MAP4K1: variants seen among roughly 807,000 people sequenced by gnomAD.
The protein encoded by MAP4K1 is mitogen-activated protein kinase kinase kinase kinase 1, also known as MAPK/ERK kinase kinase kinase 1.
MAP4K1 carries 35 observed loss-of-function variants against 122.8 expected under a neutral mutation model. The ratio of observed to expected loss-of-function variants is 0.29; its 90% CI spans 0.22 to 0.38. The LOEUF (loss-of-function observed/expected upper bound fraction) is 0.38, where lower values mean the gene tolerates loss of function less well. Among genes scored for constraint, MAP4K1 ranks in the 10% least tolerant of loss-of-function variants. The pLI is 1.00. For missense variants in MAP4K1, 791 were observed against 1,072.6 expected, an observed-to-expected ratio of 0.74 and a Z score of 3.67; for synonymous variants, 412 against 421.3, an observed-to-expected ratio of 0.98 and a Z score of 0.27.
In MAP4K1 at chr19:38,601,993, G is replaced by T. The variant is rs375609037; in HGVS notation, c.1447-468C>A. ...GAGTTTTGCCATGTTGCCCAGGCTGGTCTTGAACTCTTGGCCTCATGTGAT... is the reference window on the plus strand; with the variant it reads ...GAGTTTTGCCATGTTGCCCAGGCTGTTCTTGAACTCTTGGCCTCATGTGAT... On this transcript the variant is annotated intron_variant, in intron 19 of 30. Coordinates refer to ENST00000396857, the MANE Select transcript of MAP4K1 (RefSeq NM_001042600.3). 9.2e-5 allele frequency among the ~76,000 whole-genome samples: 14 copies of T among 152,144 alleles called. No homozygotes were observed. In the South Asian group the frequency reaches 2.3e-3, roughly 25 times the overall value.
rs775332728 is a variant in MAP4K1 at position 38,617,930 on chromosome 19, C to A, written c.-35G>T. ...CCTGAGCTGGGCCTGCGCCCAGGGG[C>A]CAGCAGGGCCTCAGGGCTCAACTTC... On this transcript the variant is annotated 5_prime_UTR_variant, in exon 1 of 31. Coordinates refer to ENST00000396857, the MANE Select transcript of MAP4K1 (RefSeq NM_001042600.3). This position sits in a 1 kb window ranked among gnomAD's most constrained non-coding sequence, Gnocchi z 4.1. 6.4e-7 allele frequency: 1 copy of A among 1,570,020 alleles called. No individual in the cohort carries two copies. The highest frequency in any genetic ancestry group is 2.2e-5 in the East Asian group (1 of 44,670).
intron 30 of MAP4K1, among the ~76,000 whole-genome samples, chr19:38,592,948 A>T (rs930312825): frequency 6.8e-6 from 1 of 147,250 alleles, no homozygotes; most frequent in Non-Finnish European, 1.5e-5. Context: ...AATAAATAAA[A>T]GAATTGCTGG....
chr19:38,600,100 C>A lies in MAP4K1; in HGVS notation c.1585G>T (p.Asp529Tyr). The A allele has an allele frequency of 1.2e-6, 2 of 1,614,140 alleles. No homozygotes were observed. The highest frequency in any genetic ancestry group is 2.2e-5 in the South Asian group (2 of 91,044). ...ACCATTTCCAGCGTGGCCTCCTGGTCATTCCGGTTCAGGATGAAGATGCCT... is the reference window on the plus strand; with the variant it reads ...ACCATTTCCAGCGTGGCCTCCTGGTAATTCCGGTTCAGGATGAAGATGCCT... ...EEGIFILNRN[D>Y]QEATLEMLFP... Residue 529 changes from aspartate (D) to tyrosine (Y), a missense_variant, in exon 21 of 31, where the codon GAC becomes TAC. Coordinates refer to ENST00000396857, the MANE Select transcript of MAP4K1 (RefSeq NM_001042600.3).
chr19:38,617,825 C>T lies in MAP4K1; in HGVS notation c.71G>A (p.Gly24Asp). The change falls in exon 1 of 31, where the codon GGT becomes GAT. Residue 24 changes from glycine to aspartate, a missense_variant. Around this residue, in one of 4 missense-constraint regions of MAP4K1, gnomAD observed 163 missense variants for 286.1 expected, o/e 0.57. Transcript: ENST00000396857. This position sits in a 1 kb window ranked among gnomAD's most constrained non-coding sequence, Gnocchi z 4.1. Reference protein sequence around the residue: ...RDHYDLLQRLGGGTYGEVFKA... With the variant: ...RDHYDLLQRLDGGTYGEVFKA... ...AAAGACTTCCCCATACGTGCCGCCA[C>T]CCAGCCGCTGTAGCAGGTCATAGTG... The T allele has an allele frequency of 6.2e-7, 1 of 1,614,156 alleles. No homozygotes were observed. The highest frequency in any genetic ancestry group is 8.5e-7 in the Non-Finnish European group (1 of 1,180,016).
intron 9 of MAP4K1, 80 bp from the exon 10 acceptor site, chr19:38,611,385 T>C (rs372393811): frequency 1.2e-5 from 11 of 947,678 alleles, no homozygotes; most frequent in South Asian, 3.9e-5. Context: ...CCTAGTAGCA[T>C]TGTGGTCAGC....
chr19:38,598,751 C>T (rs1974963807), intron 22 of MAP4K1, among the ~76,000 whole-genome samples: 1 of 152,172 alleles, frequency 6.6e-6, no homozygotes, highest in African/African-American at 2.4e-5. Context: ...CGGTGGCTTA[C>T]ACCTGTAATC....
rs1339023137 is a variant in MAP4K1 at position 38,617,754 on chromosome 19, G to T, written c.99+43C>A. ...CTCCCTGCCGAGGGCTTGCCTTAAA[G>T]GTCACTGGTTGTAGGGTGTTGGGGA... is the stretch of plus-strand genomic sequence containing the variant. On this transcript the variant is annotated intron_variant, in intron 1 of 30. Coordinates refer to ENST00000396857, the MANE Select transcript of MAP4K1 (RefSeq NM_001042600.3). This position sits in a 1 kb window ranked among gnomAD's most constrained non-coding sequence, Gnocchi z 4.1. 5.0e-6 allele frequency: 8 copies of T among 1,610,600 alleles called. No homozygotes were observed. Among genetic ancestry groups the T allele is most frequent in the African/African-American group, 1.3e-5 (1 of 74,844 alleles).
rs1413372613 is a variant in MAP4K1, at chr19:38,611,324, G to T, written c.666-19C>A. Reference sequence around the variant, plus strand: ...GAGAACTCTAGAATAGTAGGGAAAGGACATGGGGTTCAGACCCTCAAGGGG... The same window carrying T: ...GAGAACTCTAGAATAGTAGGGAAAGTACATGGGGTTCAGACCCTCAAGGGG... On this transcript the variant is annotated intron_variant, in intron 9 of 30. Transcript: ENST00000396857. The T allele has an allele frequency of 1.3e-6, 2 of 1,590,866 alleles. No homozygotes were observed. The highest frequency in any genetic ancestry group is 2.2e-5 in the South Asian group (2 of 90,504).
chr19:38,595,212 C>T (rs2145935084), intron 29 of MAP4K1, among the ~76,000 whole-genome samples: 2 of 152,046 alleles, frequency 1.3e-5, no homozygotes, highest in South Asian at 2.1e-4. Flanking sequence ...TCGCGTGAAC[C>T]CGGGAGGTGG....
intron 25 of MAP4K1, 149 bp from the exon 26 acceptor site, chr19:38,596,635 C>T (rs1241955201): frequency 1.8e-5 from 13 of 719,550 alleles, no homozygotes; most frequent in Non-Finnish European, 2.4e-5. Flanking sequence ...AGGCCTGGTG[C>T]CTCCGCGGGA....
rs912975993 is a variant in MAP4K1, at chr19:38,601,291, C to A, written c.1531+150G>T. The A allele has an allele frequency of 1.2e-5, 8 of 651,150 alleles. No individual in the cohort carries two copies. In the African/African-American group the frequency reaches 1.5e-4, roughly 12 times the overall value. 40.3% of individuals were successfully genotyped at this position (651,150 alleles called of 1,614,324 possible). ...GATCACCAAATCCTGAGTGTAAGGACAAGCTCCGCCCCTGTTTCAGCCTGG... is the reference window on the plus strand; with the variant it reads ...GATCACCAAATCCTGAGTGTAAGGAAAAGCTCCGCCCCTGTTTCAGCCTGG... On this transcript the variant is annotated intron_variant, in intron 20 of 30. Transcript: ENST00000396857.
intron 19 of MAP4K1, among the ~76,000 whole-genome samples, chr19:38,603,231 CACATATATATACACATGT>C (rs1975201345): frequency 7.0e-6 from 1 of 142,394 alleles, no homozygotes; most frequent in South Asian, 2.4e-4. Context: ...TATACATATA[CACATATATATACACATGT>C]ACATATATAC....
At chr19:38,598,413 C>T (rs762252752) in intron 22 of MAP4K1, among the ~76,000 whole-genome samples, 7 of 152,136 alleles carry the variant, frequency 4.6e-5, no homozygotes, top group Non-Finnish European at 7.3e-5. Flanking sequence ...ACTGCAGCCT[C>T]TAACTTCTGG....
intron 19 of MAP4K1, 170 bp from the exon 20 acceptor site, chr19:38,601,695 G>T: frequency 5.4e-6 from 3 of 558,512 alleles, no homozygotes; most frequent in South Asian, 4.4e-5. Context: ...CATACATTGA[G>T]TTTTCTTTTC....
In MAP4K1 at chr19:38,617,149, G is replaced by A. The variant is rs1228118003; in HGVS notation, c.248+205C>T. 6.6e-6 allele frequency among the ~76,000 whole-genome samples: 1 copy of A among 152,096 alleles called. No homozygotes were observed. Among genetic ancestry groups the A allele is most frequent in the East Asian group, 1.9e-4 (1 of 5,188 alleles). ...TAATCCCAGCTACTCGGGAGTCTGA[G>A]GCAGAGAATTGCTTGAACCCAGGAG... is the stretch of plus-strand genomic sequence containing the variant. On this transcript the variant is annotated intron_variant, in intron 3 of 30. Transcript: ENST00000396857. This position sits in a 1 kb window ranked among gnomAD's most constrained non-coding sequence, Gnocchi z 4.1.
At chr19:38,614,697 G>C (rs1365327821) in intron 4 of MAP4K1, 6 of 531,950 alleles carry the variant, frequency 1.1e-5, no homozygotes, top group Non-Finnish European at 1.7e-5. Flanking sequence ...AAGGTGGGTG[G>C]ATCACTTGAG....
intron 30 of MAP4K1, among the ~76,000 whole-genome samples, chr19:38,592,204 G>C (rs924036668): frequency 1.3e-5 from 2 of 152,066 alleles, no homozygotes; most frequent in Non-Finnish European, 2.9e-5. Flanking sequence ...AGCTCAGAAG[G>C]TCAAGACTGC....
intron 21 of MAP4K1, 39 bp downstream of exon 21, chr19:38,600,038 C>T (rs377546957): frequency 3.1e-5 from 50 of 1,613,926 alleles, no homozygotes; most frequent in Admixed American, 1.5e-4. Context: ...CCCCCGACTC[C>T]GGCCCTTGCC....
chr19:38,614,016 C>T (rs958566289), intron 7 of MAP4K1, 27 bp downstream of exon 7: 2 of 1,611,742 alleles, frequency 1.2e-6, no homozygotes, highest in South Asian at 1.1e-5. Flanking sequence ...CAGTCAGCCC[C>T]CCTGCTCAAC....
Sources: allele counts gnomAD v4.1 joint callset (sites outside exome capture counted in the v4.1 genomes callset), GRCh38; gene constraint gnomAD v4.1.1; regional missense constraint gnomAD v4.1.1; non-coding constraint Gnocchi (gnomAD v3.1); transcripts MANE v1.5; gene names NCBI Gene and HGNC (gene_info 2026-07-23, HGNC 2026-07-21).